The following ATRNL1 variants were observed in gnomAD, a reference collection of about 807,000 sequenced individuals.
The protein encoded by ATRNL1 is attractin like 1.
In ATRNL1, 95 loss-of-function variants were observed where a neutral mutation model predicts 182.7. The observed-to-expected ratio is 0.52, with a 90% CI of 0.44 to 0.62. ATRNL1 has a LOEUF of 0.62. Ranked by LOEUF, ATRNL1 falls within the 20% of genes least tolerant of loss-of-function variation. The pLI, the probability that ATRNL1 is intolerant of heterozygous loss-of-function variation, is 0.00. For missense variants in ATRNL1, 1,471 were observed against 1,679.5 expected, an observed-to-expected ratio of 0.88 and a Z score of 2.17; for synonymous variants, 576 against 568.3, an observed-to-expected ratio of 1.01 and a Z score of -0.19.
rs139621456 is a variant in ATRNL1, at chr10:115,259,751, C to T, written c.1688-5442C>T. On this transcript the variant is annotated intron_variant, in intron 10 of 28. Coordinates refer to ENST00000355044, the MANE Select transcript of ATRNL1 (RefSeq NM_207303.4). ...CTGTTCCTATTCGGCCATCTTGGAA[C>T]GCCTCTCCAGATTTTTTTTTGTCAT... is the stretch of plus-strand genomic sequence containing the variant. 3.7e-3 allele frequency among the ~76,000 whole-genome samples: 564 copies of T among 152,226 alleles called. 2 individuals are homozygous for T. Among genetic ancestry groups the T allele is most frequent in the African/African-American group, 0.013 (540 of 41,542 alleles).
chr10:115,614,227 A>G (rs1857316534), intron 26 of ATRNL1, among the ~76,000 whole-genome samples: 2 of 151,386 alleles, frequency 1.3e-5, no homozygotes, highest in South Asian at 4.2e-4. Flanking sequence ...GTTGTTTTCT[A>G]TTTTCACTTG....
intron 27 of ATRNL1, among the ~76,000 whole-genome samples, chr10:115,728,294 G>A (rs1473039222): frequency 9.2e-5 from 3 of 32,762 alleles, no homozygotes; most frequent in East Asian, 9.2e-4. Context: ...GTGGGACTCC[G>A]CCTCAAAAAA....
At chr10:115,469,429 A>C in intron 24 of ATRNL1, 100 bp downstream of exon 24, 1 of 729,872 alleles carries the variant, frequency 1.4e-6, no homozygotes, top group Non-Finnish European at 2.1e-6. Context: ...TCCTGACTTG[A>C]CTAATACAAA....
intron 21 of ATRNL1, among the ~76,000 whole-genome samples, chr10:115,431,605 T>A (rs1435292187): frequency 6.6e-6 from 1 of 152,084 alleles, no homozygotes. Context: ...TTTATGTATG[T>A]ATTTATTTAT....
chr10:115,258,084 T>C (rs1441419987), intron 10 of ATRNL1, among the ~76,000 whole-genome samples: 1 of 152,166 alleles, frequency 6.6e-6, no homozygotes, highest in African/African-American at 2.4e-5. Flanking sequence ...CAATTATGTG[T>C]CTTGGGGTTG....
rs916634824 is a variant in ATRNL1, at chr10:115,612,721, C to T, written c.3795+63185C>T. ...AAAGTTCTTTTTACAGGCATATGTG[C>T]AAGTAAGAGACTTTCAGATGTTCTT... On this transcript the variant is annotated intron_variant, in intron 26 of 28. Transcript: ENST00000355044. 3.9e-5 allele frequency among the ~76,000 whole-genome samples: 6 copies of T among 152,270 alleles called. No homozygotes were observed. The South Asian group carries it at 1.2e-3, about 32-fold the overall frequency.
At position 115,783,740 on chromosome 10, in the gene ATRNL1, C is replaced by T. The variant is rs782048110; in HGVS notation, c.3903+56385C>T. Among the ~76,000 whole-genome samples, 10 of 152,208 alleles carry T rather than the reference C, an allele frequency of 6.6e-5. No individual in the cohort carries two copies. The East Asian group carries it at 9.7e-4, about 15-fold the overall frequency. ...AATTATAAAGTGATTCGGGGCCGGGCGCGGTGGCTCACACCTGTAATCCCA... is the reference window on the plus strand; with the variant it reads ...AATTATAAAGTGATTCGGGGCCGGGTGCGGTGGCTCACACCTGTAATCCCA... On this transcript the variant is annotated intron_variant, in intron 27 of 28. Transcript: ENST00000355044.
At chr10:115,510,440 A>G (rs1554982370) in intron 24 of ATRNL1, among the ~76,000 whole-genome samples, 1 of 152,062 alleles carries the variant, frequency 6.6e-6, no homozygotes, top group Non-Finnish European at 1.5e-5. Context: ...TACCCTGATC[A>G]GGCAGCAGCT....
chr10:115,118,846 C>A (rs1214675853), intron 1 of ATRNL1, among the ~76,000 whole-genome samples: 1 of 151,996 alleles, frequency 6.6e-6, no homozygotes, highest in Non-Finnish European at 1.5e-5. Flanking sequence ...TTAAAATTGT[C>A]CTTTAACTTT....
intron 26 of ATRNL1, among the ~76,000 whole-genome samples, chr10:115,686,963 C>G (rs1414696887): frequency 6.6e-6 from 1 of 151,922 alleles, no homozygotes; most frequent in Non-Finnish European, 1.5e-5. Flanking sequence ...ATGGAACTAT[C>G]GACAGAATCT....
intron 26 of ATRNL1, among the ~76,000 whole-genome samples, chr10:115,565,821 G>A (rs1311357647): frequency 6.6e-6 from 1 of 151,840 alleles, no homozygotes; most frequent in African/African-American, 2.4e-5. Flanking sequence ...TTTTCTACTA[G>A]TATAAAAGTA....
chr10:115,222,737 A>G (rs1849518196), intron 9 of ATRNL1, among the ~76,000 whole-genome samples: 3 of 152,316 alleles, frequency 2.0e-5, no homozygotes, highest in Admixed American at 6.5e-5. Context: ...GCATTTTTAG[A>G]AAAACAATGA....
chr10:115,896,878 C>T lies in ATRNL1; in HGVS notation c.4019-47780C>T, dbSNP rs377461253. Among the ~76,000 whole-genome samples, 186 of 151,966 alleles carry T rather than the reference C, an allele frequency of 1.2e-3. 1 individual carries two copies. Among genetic ancestry groups the T allele is most frequent in the African/African-American group, 4.3e-3 (177 of 41,468 alleles). On this transcript the variant is annotated intron_variant, in intron 28 of 28. Transcript: ENST00000355044. Reference sequence around the variant, plus strand: ...AAAGGCATACATAAATACATAAGATCGAAATATGAGTAAACATTTTTACAA... The same window carrying T: ...AAAGGCATACATAAATACATAAGATTGAAATATGAGTAAACATTTTTACAA...
chr10:115,415,757 A>G (rs1448990854), intron 20 of ATRNL1, among the ~76,000 whole-genome samples: 1 of 151,748 alleles, frequency 6.6e-6, no homozygotes, highest in Non-Finnish European at 1.5e-5. Context: ...TGAGGATTGG[A>G]TCTGATTTGA....
chr10:115,803,685 A>C (rs1555084967), intron 27 of ATRNL1, among the ~76,000 whole-genome samples: 2 of 151,976 alleles, frequency 1.3e-5, no homozygotes, highest in African/African-American at 4.8e-5. Flanking sequence ...AATCCTAGTG[A>C]AATTCTCACT....
chr10:115,118,520 T>A (rs1844590234), intron 1 of ATRNL1, among the ~76,000 whole-genome samples: 1 of 152,130 alleles, frequency 6.6e-6, no homozygotes, highest in Admixed American at 6.6e-5. Context: ...CTCAGATGAC[T>A]CATAGCTAAC....
intron 27 of ATRNL1, among the ~76,000 whole-genome samples, chr10:115,731,137 A>G (rs1947786226): frequency 6.6e-6 from 1 of 152,130 alleles, no homozygotes; most frequent in African/African-American, 2.4e-5. Flanking sequence ...AGACACACCC[A>G]GGATCCATAC....
intron 27 of ATRNL1, among the ~76,000 whole-genome samples, chr10:115,734,671 A>C (rs1156848903): frequency 6.6e-6 from 1 of 152,008 alleles, no homozygotes; most frequent in Non-Finnish European, 1.5e-5. Context: ...ACCTGCTATA[A>C]ATGTTTTCTC....
intron 19 of ATRNL1, among the ~76,000 whole-genome samples, chr10:115,385,549 C>T (rs1045384494): frequency 1.3e-5 from 2 of 152,032 alleles, no homozygotes; most frequent in Non-Finnish European, 2.9e-5. Flanking sequence ...TCTTATAAAA[C>T]GAAGATGTTT....
Sources: allele counts gnomAD v4.1 joint callset (sites outside exome capture counted in the v4.1 genomes callset), GRCh38; gene constraint gnomAD v4.1.1; transcripts MANE v1.5; gene names NCBI Gene and HGNC (gene_info 2026-07-23, HGNC 2026-07-21).